The following GRIN2A variants were observed in gnomAD, a reference collection of about 807,000 sequenced individuals.
The protein encoded by GRIN2A is glutamate ionotropic receptor NMDA type subunit 2A.
A neutral mutation model predicts 113.4 loss-of-function variants in GRIN2A; 22 were observed. That is an observed-to-expected ratio of 0.19 (90% CI 0.14 to 0.28). The LOEUF is 0.28. GRIN2A is among the 10% of genes least tolerant of loss of function. The pLI is 1.00. For synonymous variants in GRIN2A, 827 were observed against 738.4 expected (o/e 1.12, Z -1.94); for missense variants, 1,502 against 1,887.0 (o/e 0.80, Z 3.78).
intron 3 of GRIN2A, among the ~76,000 whole-genome samples, chr16:9,913,179 C>G (rs1474366780): frequency 6.6e-6 from 1 of 152,196 alleles, no homozygotes; most frequent in Non-Finnish European, 1.5e-5. Context: ...CTACTGTAAG[C>G]AAAGGAGACT....
intron 11 of GRIN2A, among the ~76,000 whole-genome samples, chr16:9,788,297 C>T (rs1902360269): frequency 6.6e-6 from 1 of 151,688 alleles, no homozygotes; most frequent in South Asian, 2.1e-4. Context: ...TGCTCTGTTG[C>T]CCAGGCTGGA....
At chr16:9,817,838 C>T (rs1291974056) in intron 10 of GRIN2A, among the ~76,000 whole-genome samples, 1 of 152,182 alleles carries the variant, frequency 6.6e-6, no homozygotes, top group African/African-American at 2.4e-5. Flanking sequence ...GTGGGTGGAG[C>T]AGTGAGACCC....
intron 2 of GRIN2A, among the ~76,000 whole-genome samples, chr16:10,050,004 G>T (rs57030390): frequency 0.026 from 3,923 of 152,182 alleles, 192 homozygotes; most frequent in African/African-American, 0.091. Flanking sequence ...AAGAATAAAG[G>T]TCTCCCAATA....
In GRIN2A at chr16:9,756,840, T is replaced by A. The variant is rs1335086477; in HGVS notation, c.*6309A>T. ...GAGTGACAAAAGCTCCCTCTCCACC[T>A]CGCCATCCTTCCTGAAATACACCTC... On this transcript the variant is annotated 3_prime_UTR_variant, in exon 13 of 13. Coordinates refer to ENST00000330684, the MANE Select transcript of GRIN2A (RefSeq NM_001134407.3). 1 of 183,278 alleles carries A rather than the reference T, an allele frequency of 5.5e-6. No individual in the cohort carries two copies. Among genetic ancestry groups the A allele is most frequent in the Non-Finnish European group, 1.2e-5 (1 of 86,248 alleles). 11.4% of individuals were successfully genotyped at this position (183,278 alleles called of 1,614,324 possible).
At chr16:10,072,920 A>C (rs59568026) in intron 2 of GRIN2A, among the ~76,000 whole-genome samples, 20,116 of 147,874 alleles carry the variant, frequency 0.14, 1,864 homozygotes, top group African/African-American at 0.26. Flanking sequence ...CAGAGGCAAG[A>C]TGAGGAAACT....
intron 2 of GRIN2A, among the ~76,000 whole-genome samples, chr16:10,154,239 G>A (rs752492478): frequency 2.6e-5 from 4 of 152,128 alleles, no homozygotes; most frequent in East Asian, 1.9e-4. Context: ...CGCAGAAGTC[G>A]TAGCCAACCC....
rs764644294 is a variant in GRIN2A, at chr16:9,829,405, A to C, written c.2007+18T>G. On this transcript the variant is annotated intron_variant, in intron 9 of 12. Coordinates refer to ENST00000330684, the MANE Select transcript of GRIN2A (RefSeq NM_001134407.3). ...TAAGACCAACCCTCAGATGGAGAGGAAAGCAAGGTGACCTTACCTTTTTGT... is the reference window on the plus strand; with the variant it reads ...TAAGACCAACCCTCAGATGGAGAGGCAAGCAAGGTGACCTTACCTTTTTGT... The C allele has an allele frequency of 1.5e-5, 23 of 1,550,274 alleles. No homozygotes were observed. The highest frequency in any genetic ancestry group is 1.8e-5 in the Non-Finnish European group (20 of 1,122,574).
At chr16:9,909,818 T>G (rs1217386200) in intron 3 of GRIN2A, among the ~76,000 whole-genome samples, 1 of 152,256 alleles carries the variant, frequency 6.6e-6, no homozygotes, top group Non-Finnish European at 1.5e-5. Flanking sequence ...TATATATCGT[T>G]GCTTAAGAAG....
chr16:9,768,432 T>A (rs1901052717), intron 12 of GRIN2A, among the ~76,000 whole-genome samples: 1 of 152,234 alleles, frequency 6.6e-6, no homozygotes, highest in Admixed American at 6.5e-5. Context: ...TTTTCTCTTT[T>A]TAAAAAACTA....
At chr16:9,884,447 G>A (rs2043549645) in intron 4 of GRIN2A, among the ~76,000 whole-genome samples, 1 of 152,056 alleles carries the variant, frequency 6.6e-6, no homozygotes, top group Non-Finnish European at 1.5e-5. Flanking sequence ...TATTCGGGAG[G>A]CTGAGACAGG....
chr16:9,835,783 T>A (rs2042574651), intron 7 of GRIN2A, among the ~76,000 whole-genome samples: 1 of 152,168 alleles, frequency 6.6e-6, no homozygotes, highest in South Asian at 2.1e-4. Flanking sequence ...CAGCTAGAGG[T>A]CACCACAAAT....
intron 2 of GRIN2A, among the ~76,000 whole-genome samples, chr16:10,018,358 G>C (rs893112712): frequency 5.3e-5 from 8 of 152,120 alleles, no homozygotes; most frequent in African/African-American, 1.7e-4. Flanking sequence ...AAGAAGGTGG[G>C]GTTTCTGTGC....
intron 2 of GRIN2A, among the ~76,000 whole-genome samples, chr16:9,973,109 G>A (rs1302028796): frequency 6.6e-6 from 1 of 152,152 alleles, no homozygotes; most frequent in African/African-American, 2.4e-5. Context: ...CAGATGAAGG[G>A]TCTGCAAAAT....
chr16:9,847,991 A>T (rs1259513617), intron 5 of GRIN2A, among the ~76,000 whole-genome samples: 6 of 146,370 alleles, frequency 4.1e-5, no homozygotes, highest in Non-Finnish European at 9.0e-5. Flanking sequence ...TATATTTTTA[A>T]TATATAAAAA....
At position 10,080,713 on chromosome 16, in the gene GRIN2A, C is replaced by T. The variant is rs564504004; in HGVS notation, c.414+99285G>A. ...GCTACTTAAAGCAATATCACCCTCA[C>T]CTTGTATTGCAGATCCTTGTATTGC... On this transcript the variant is annotated intron_variant, in intron 2 of 12. Transcript: ENST00000330684. Among the ~76,000 whole-genome samples, 3 of 152,302 alleles carry T rather than the reference C, an allele frequency of 2.0e-5. No individual in the cohort carries two copies. In the South Asian group the frequency reaches 6.2e-4, roughly 32 times the overall value.
intron 2 of GRIN2A, 25 bp from the exon 3 acceptor site, chr16:9,938,576 A>G (rs1408869240): frequency 2.6e-6 from 4 of 1,553,374 alleles, no homozygotes; most frequent in African/African-American, 1.4e-5. Flanking sequence ...AAAGTAAAAC[A>G]GAGGATGAGG....
At chr16:10,081,216 AG>A (rs1198580537) in intron 2 of GRIN2A, among the ~76,000 whole-genome samples, 1 of 152,194 alleles carries the variant, frequency 6.6e-6, no homozygotes, top group Admixed American at 6.5e-5. Context: ...ACTTATTCTA[AG>A]GGACAGCCAG....
rs71133304 is a variant in GRIN2A, at chr16:10,055,047, C to CAAAAAAAAAAAAAAAAAAAAAAAAA, written c.415-116521_415-116497dup. On this transcript the variant is annotated intron_variant, in intron 2 of 12. Coordinates refer to ENST00000330684, the MANE Select transcript of GRIN2A (RefSeq NM_001134407.3). ...CAGGCAACAGAGCGAGACTCTATCT[C>CAAAAAAAAAAAAAAAAAAAAAAAAA]AAAAAAAAAAAAAAAAAAAAAAAAA... 2.8e-3 allele frequency among the ~76,000 whole-genome samples: 29 copies of CAAAAAAAAAAAAAAAAAAAAAAAAA among 10,392 alleles called. 8 individuals are homozygous for CAAAAAAAAAAAAAAAAAAAAAAAAA. Among genetic ancestry groups the CAAAAAAAAAAAAAAAAAAAAAAAAA allele is most frequent in the Admixed American group, 3.2e-3 (2 of 624 alleles). 6.8% of individuals were successfully genotyped at this position (10,392 alleles called of 152,430 possible). A position where few individuals can be genotyped will look rare whatever the true frequency, so the allele number is the denominator to read the frequency against.
chr16:9,907,317 GCTTGAAT>G (rs2044046297), intron 3 of GRIN2A, among the ~76,000 whole-genome samples: 1 of 152,204 alleles, frequency 6.6e-6, no homozygotes, highest in South Asian at 2.1e-4. Context: ...ACACAGAACA[GCTTGAAT>G]GAATTGCAGA....
Sources: allele counts gnomAD v4.1 joint callset (sites outside exome capture counted in the v4.1 genomes callset), GRCh38; gene constraint gnomAD v4.1.1; transcripts MANE v1.5; gene names NCBI Gene and HGNC (gene_info 2026-07-23, HGNC 2026-07-21).